The following OR51B5 variants were observed in gnomAD, a reference collection of about 807,000 sequenced individuals.
OR51B5 encodes the protein olfactory receptor 51B5.
For synonymous variants in OR51B5, 186 were observed against 144.8 expected, an observed-to-expected ratio of 1.28 and a Z score of -2.04; for missense variants, 456 against 374.6, an observed-to-expected ratio of 1.22 and a Z score of -1.79.
chr11:5,397,202 A>T (rs1422531208), intron 1 of OR51B5, among the ~76,000 whole-genome samples: 1 of 152,232 alleles, frequency 6.6e-6, no homozygotes, highest in Non-Finnish European at 1.5e-5. Flanking sequence ...AAATTCACTA[A>T]TGGGATCTAA....
At position 5,489,536 on chromosome 11, in the gene OR51B5, A is replaced by C. The variant is rs532384421; in HGVS notation, n.84+16033T>G. ...CACCACGAAGTCCCCAAGCATGTGC[A>C]CATCTTTCTGGCTAATCTCTATGTG... On this transcript the variant is annotated intron_variant and non_coding_transcript_variant, in intron 1 of 4. Transcript: ENST00000415970. 7 of 1,614,050 alleles carry C rather than the reference A, an allele frequency of 4.3e-6. No individual in the cohort carries two copies. In the African/African-American group the frequency reaches 9.3e-5, roughly 22 times the overall value.
intron 1 of OR51B5, among the ~76,000 whole-genome samples, chr11:5,499,123 C>A (rs1851687076): frequency 6.6e-6 from 1 of 152,180 alleles, no homozygotes; most frequent in South Asian, 2.1e-4. Flanking sequence ...GATGACAGGG[C>A]ACAAAGTTCA....
At chr11:5,400,367 G>A (rs1179846461) in intron 1 of OR51B5, among the ~76,000 whole-genome samples, 1 of 151,934 alleles carries the variant, frequency 6.6e-6, no homozygotes, top group African/African-American at 2.4e-5. Context: ...TACATCTACA[G>A]TTTTTATTTT....
At chr11:5,428,970 T>A (rs779106028) in intron 1 of OR51B5, among the ~76,000 whole-genome samples, 2 of 152,188 alleles carry the variant, frequency 1.3e-5, no homozygotes, top group Non-Finnish European at 2.9e-5. Flanking sequence ...GATTTGTGAC[T>A]GCTCCAATTG....
chr11:5,352,307 C>T (rs1589948064), intron 1 of OR51B5: 2 of 1,614,158 alleles, frequency 1.2e-6, no homozygotes, highest in Non-Finnish European at 1.7e-6. Context: ...AAGCATGTTC[C>T]TCATGTCGTT....
chr11:5,394,307 T>A (rs1016842385), intron 1 of OR51B5, among the ~76,000 whole-genome samples: 2 of 152,126 alleles, frequency 1.3e-5, no homozygotes, highest in Non-Finnish European at 2.9e-5. Context: ...ACAAAATATC[T>A]TGCCCAATAT....
chr11:5,438,566 G>A (rs1470740183), intron 1 of OR51B5, among the ~76,000 whole-genome samples: 1 of 152,096 alleles, frequency 6.6e-6, no homozygotes, highest in Non-Finnish European at 1.5e-5. Context: ...TTTTAGCTTG[G>A]ACTGCCATTA....
intron 1 of OR51B5, chr11:5,392,539 A>G (rs1049282300): frequency 6.6e-6 from 1 of 152,194 alleles, no homozygotes. Context: ...ATATTTGAAA[A>G]CTTCTACCTT....
chr11:5,496,486 A>G (rs902842234), intron 1 of OR51B5, among the ~76,000 whole-genome samples: 4 of 152,072 alleles, frequency 2.6e-5, no homozygotes, highest in Non-Finnish European at 4.4e-5. Context: ...CTCCGATGAC[A>G]TTCTTGTGTA....
intron 1 of OR51B5, among the ~76,000 whole-genome samples, chr11:5,501,959 C>A (rs1590033069): frequency 6.6e-6 from 1 of 152,000 alleles, no homozygotes; most frequent in South Asian, 2.1e-4. Flanking sequence ...ATGTTCCCCG[C>A]CCTGTGTCCA....
intron 1 of OR51B5, among the ~76,000 whole-genome samples, chr11:5,494,083 C>G (rs969695788): frequency 6.6e-6 from 1 of 152,210 alleles, no homozygotes; most frequent in African/African-American, 2.4e-5. Flanking sequence ...CTCAGCATAA[C>G]TTCTACCATA....
intron 1 of OR51B5, among the ~76,000 whole-genome samples, chr11:5,371,669 A>G (rs1170662229): frequency 7.2e-5 from 11 of 152,160 alleles, no homozygotes; most frequent in African/African-American, 2.7e-4. Flanking sequence ...AATATAGGAT[A>G]TATGTGTACA....
At chr11:5,396,719 G>A (rs542700038) in intron 1 of OR51B5, among the ~76,000 whole-genome samples, 2 of 151,650 alleles carry the variant, frequency 1.3e-5, no homozygotes, top group East Asian at 3.9e-4. Context: ...AGTTCATATG[G>A]AACCAAAAAA....
chr11:5,440,997 C>T (rs762769637), intron 1 of OR51B5: 7 of 1,613,792 alleles, frequency 4.3e-6, no homozygotes, highest in Middle Eastern at 1.6e-4. Flanking sequence ...CAAAACATTG[C>T]CTTTGCAGAA....
intron 1 of OR51B5, among the ~76,000 whole-genome samples, chr11:5,381,479 C>T (rs1007786480): frequency 2.0e-5 from 3 of 152,198 alleles, no homozygotes; most frequent in Admixed American, 6.5e-5. Context: ...CTCCAGGCTT[C>T]AGAAACTACC....
intron 1 of OR51B5, chr11:5,440,684 C>T: frequency 6.2e-7 from 1 of 1,613,922 alleles, no homozygotes; most frequent in South Asian, 1.1e-5. Flanking sequence ...CATTGGACAT[C>T]ATGACATGAA....
At chr11:5,373,456 A>G (rs908575309) in intron 1 of OR51B5, among the ~76,000 whole-genome samples, 11 of 152,116 alleles carry the variant, frequency 7.2e-5, no homozygotes, top group Non-Finnish European at 1.3e-4. Flanking sequence ...TCATCTCGCT[A>G]GGGAGTGCCA....
At chr11:5,413,311 G>C (rs1376312310) in intron 1 of OR51B5, among the ~76,000 whole-genome samples, 1 of 151,926 alleles carries the variant, frequency 6.6e-6, no homozygotes, top group Non-Finnish European at 1.5e-5. Context: ...AAGACCAAAA[G>C]TAGATAAAAC....
At chr11:5,463,143 ATATG>A (rs1229439750) in intron 1 of OR51B5, among the ~76,000 whole-genome samples, 1 of 152,224 alleles carries the variant, frequency 6.6e-6, no homozygotes, top group Admixed American at 6.5e-5. Flanking sequence ...TCCGCCAAAA[ATATG>A]TATGAAATAG....
Sources: gnomAD v4.1 joint callset for allele counts (sites outside exome capture counted in the v4.1 genomes callset) on GRCh38, gnomAD v4.1.1 for gene constraint, MANE v1.5 for transcripts, NCBI Gene and HGNC (gene_info 2026-07-23, HGNC 2026-07-21) for gene names.